MTUS2: variants seen among roughly 807,000 people sequenced by gnomAD.
MTUS2 encodes microtubule associated scaffold protein 2, also known as microtubule-associated tumor suppressor candidate 2.
A neutral mutation model predicts 114.1 loss-of-function variants in MTUS2; 40 were observed. The ratio of observed to expected loss-of-function variants is 0.35; its 90% CI spans 0.27 to 0.46. MTUS2 has a LOEUF of 0.46. Among genes scored for constraint, MTUS2 ranks in the 20% least tolerant of loss-of-function variants. The pLI is 1.00. For missense variants in MTUS2, 1,679 were observed against 1,705.4 expected (o/e 0.98, Z 0.27); for synonymous variants, 688 against 672.0 (o/e 1.02, Z -0.37).
intron 4 of MTUS2, among the ~76,000 whole-genome samples, chr13:29,095,803 T>C (rs9506100): frequency 0.67 from 101,763 of 151,582 alleles, 34,870 homozygotes; most frequent in Non-Finnish European, 0.74. Flanking sequence ...TTTTTAACAC[T>C]AAACTTTCCA....
chr13:28,866,350 C>G (rs1315166648), intron 2 of MTUS2, among the ~76,000 whole-genome samples: 1 of 152,120 alleles, frequency 6.6e-6, no homozygotes, highest in Non-Finnish European at 1.5e-5. Flanking sequence ...CATCCTTTTC[C>G]TGACTTTCAA....
At chr13:28,907,199 T>C (rs1880085696) in intron 2 of MTUS2, among the ~76,000 whole-genome samples, 1 of 151,436 alleles carries the variant, frequency 6.6e-6, no homozygotes. Flanking sequence ...GACAAGCAAA[T>C]GCTGAGAGAT....
chr13:29,029,980 A>G (rs1306457041), intron 3 of MTUS2, among the ~76,000 whole-genome samples: 2 of 152,206 alleles, frequency 1.3e-5, no homozygotes, highest in South Asian at 2.1e-4. Flanking sequence ...AACCATATCC[A>G]AACCATAGCC....
Position 29,504,515 on chromosome 13 carries a change from G to C in MTUS2, c.*1309G>C, listed in dbSNP as rs960742884. On this transcript the variant is annotated 3_prime_UTR_variant, in exon 16 of 16. Transcript: ENST00000612955. ...TGATCAGGCAACGCTGCTGCTGACC[G>C]TGCTCCCATCTTAGACCCAGAAGGT... 5 of 232,572 alleles carry C rather than the reference G, an allele frequency of 2.1e-5. No homozygotes were observed. The allele number at this position is 232,572 out of a possible 1,614,324, so 14.4% of individuals were successfully genotyped here.
At chr13:29,006,158 G>A (rs1885591471) in intron 2 of MTUS2, among the ~76,000 whole-genome samples, 1 of 152,156 alleles carries the variant, frequency 6.6e-6, no homozygotes, top group African/African-American at 2.4e-5. Context: ...CTGTAAGCTG[G>A]GGTTGAGAGT....
chr13:29,143,653 T>C (rs1892316824), intron 5 of MTUS2, among the ~76,000 whole-genome samples: 1 of 152,168 alleles, frequency 6.6e-6, no homozygotes, highest in African/African-American at 2.4e-5. Context: ...ATGGGGTGCC[T>C]CAGGAATTGG....
chr13:29,374,851 G>A (rs1871456724), intron 8 of MTUS2, among the ~76,000 whole-genome samples: 1 of 152,110 alleles, frequency 6.6e-6, no homozygotes, highest in African/African-American at 2.4e-5. Flanking sequence ...ACTTGAACCT[G>A]GGAGGAGGAG....
chr13:29,249,265 A>G (rs1897039259), intron 5 of MTUS2, among the ~76,000 whole-genome samples: 1 of 152,166 alleles, frequency 6.6e-6, no homozygotes, highest in South Asian at 2.1e-4. Flanking sequence ...CTAGGATTAC[A>G]GGCTTGAGTC....
intron 2 of MTUS2, among the ~76,000 whole-genome samples, chr13:28,840,499 T>C (rs1053671905): frequency 1.3e-5 from 2 of 152,252 alleles, no homozygotes; most frequent in African/African-American, 4.8e-5. Flanking sequence ...ATACTGATTT[T>C]TAGAACAAGA....
chr13:29,181,003 T>A (rs555714268), intron 5 of MTUS2, among the ~76,000 whole-genome samples: 1 of 152,356 alleles, frequency 6.6e-6, no homozygotes, highest in Non-Finnish European at 1.5e-5. Flanking sequence ...ATCTTGCCTG[T>A]TGAACTCTTT....
At chr13:28,991,119 T>G (rs1884832135) in intron 2 of MTUS2, among the ~76,000 whole-genome samples, 2 of 152,202 alleles carry the variant, frequency 1.3e-5, no homozygotes, top group Non-Finnish European at 2.9e-5. Context: ...AGAAACAACA[T>G]GAGGCAGGGG....
At chr13:29,391,408 G>A (rs987863839) in intron 8 of MTUS2, among the ~76,000 whole-genome samples, 1 of 152,190 alleles carries the variant, frequency 6.6e-6, no homozygotes, top group African/African-American at 2.4e-5. Flanking sequence ...TGTAGTGGAT[G>A]TTCACCATGT....
rs530970729 is a variant in MTUS2 at position 29,166,245 on chromosome 13, C to T, written c.2644+65275C>T. ...ACTTCTGGATTGGAAACACAAGTTA[C>T]GGGATCTTTGAAACATAGTTTTACT... On this transcript the variant is annotated intron_variant, in intron 5 of 15. Coordinates refer to ENST00000612955, the MANE Select transcript of MTUS2 (RefSeq NM_001033602.4). Among the ~76,000 whole-genome samples, 20 of 152,286 alleles carry T rather than the reference C, an allele frequency of 1.3e-4. No individual in the cohort carries two copies. The South Asian group carries it at 2.5e-3, about 19-fold the overall frequency.
At chr13:29,238,900 A>C (rs1896632594) in intron 5 of MTUS2, among the ~76,000 whole-genome samples, 1 of 152,220 alleles carries the variant, frequency 6.6e-6, no homozygotes, top group Admixed American at 6.5e-5. Context: ...GAAATCCATC[A>C]AAGTCAAACT....
At chr13:29,102,952 G>C (rs186162462) in intron 5 of MTUS2, among the ~76,000 whole-genome samples, 8 of 152,178 alleles carry the variant, frequency 5.3e-5, no homozygotes, top group Admixed American at 5.2e-4. Flanking sequence ...TTCATTCTCT[G>C]TTCTTTCTTG....
chr13:29,270,237 A>T (rs34076296), intron 5 of MTUS2, among the ~76,000 whole-genome samples: 1,909 of 152,280 alleles, frequency 0.013, 29 homozygotes, highest in East Asian at 0.08. Flanking sequence ...AATGCCTACC[A>T]CAGGGACCTG....
chr13:29,385,361 C>T (rs1872563211), intron 8 of MTUS2, among the ~76,000 whole-genome samples: 2 of 152,184 alleles, frequency 1.3e-5, no homozygotes, highest in Admixed American at 1.3e-4. Flanking sequence ...CTGCAGATTC[C>T]CAGGATGTCC....
At chr13:28,863,447 CAT>C (rs1203800352) in intron 2 of MTUS2, among the ~76,000 whole-genome samples, 1 of 152,170 alleles carries the variant, frequency 6.6e-6, no homozygotes, top group Non-Finnish European at 1.5e-5. Context: ...TCAACGTTCT[CAT>C]ATAGCCCGAG....
At position 29,444,432 on chromosome 13, in the gene MTUS2, AAAAC is replaced by A. The variant is rs1237613400; in HGVS notation, c.3184+4395_3184+4398del. Among the ~76,000 whole-genome samples, 8 of 149,618 alleles carry A rather than the reference AAAAC, an allele frequency of 5.3e-5. No individual in the cohort carries two copies. In the South Asian group the frequency reaches 6.3e-4, roughly 12 times the overall value. On this transcript the variant is annotated intron_variant, in intron 9 of 15. Transcript: ENST00000612955. ...GGCAACAAGAGCAAAACTCTGTCTC[AAAAC>A]AAACAAACAAAAAAAAGCCTTTAGC...
Sources: allele counts gnomAD v4.1 joint callset (sites outside exome capture counted in the v4.1 genomes callset), GRCh38; gene constraint gnomAD v4.1.1; transcripts MANE v1.5; gene names NCBI Gene and HGNC (gene_info 2026-07-23, HGNC 2026-07-21).